Variants in ZNF337 observed in about 807,000 individuals in gnomAD.
ZNF337 encodes zinc finger protein 337.
A neutral mutation model predicts 12.1 loss-of-function variants in ZNF337; 8 were observed. The ratio of observed to expected loss-of-function variants is 0.66; its 90% CI spans 0.39 to 1.19. ZNF337 has a LOEUF of 1.19. ZNF337 is among the 50% of genes most tolerant of loss of function. ZNF337 has a pLI of 0.01. For missense variants in ZNF337, 882 were observed against 896.6 expected (o/e 0.98, Z 0.21); for synonymous variants, 336 against 320.0 (o/e 1.05, Z -0.53).
intron 1 of ZNF337, among the ~76,000 whole-genome samples, chr20:25,688,060 T>C (rs1480461552): frequency 6.6e-6 from 1 of 152,236 alleles, no homozygotes; most frequent in Non-Finnish European, 1.5e-5. Context: ...TGAAAGGTGA[T>C]TTAAAACATT....
rs1456490575 is a variant in ZNF337, at chr20:25,674,143, T to C, written c.*889A>G. The C allele has an allele frequency of 6.6e-6, 1 of 152,182 alleles. No individual in the cohort carries two copies. Among genetic ancestry groups the C allele is most frequent in the Non-Finnish European group, 1.5e-5 (1 of 68,054 alleles). 9.4% of individuals were successfully genotyped at this position (152,182 alleles called of 1,614,324 possible). A position where few individuals can be genotyped will look rare whatever the true frequency, so the allele number is the denominator to read the frequency against. On this transcript the variant is annotated 3_prime_UTR_variant, in exon 5 of 5. Coordinates refer to ENST00000252979, the MANE Select transcript of ZNF337 (RefSeq NM_015655.4). ...GAGATTTTATTTCCAGATATGACTG[T>C]GAGAGAATGATGAGGGGAGCAGTTA...
At chr20:25,677,222 C>T (rs779444562) in intron 4 of ZNF337, 185 bp from the exon 5 acceptor site, 9 of 582,944 alleles carry the variant, frequency 1.5e-5, no homozygotes, top group African/African-American at 3.7e-5. Flanking sequence ...CTAACTCATT[C>T]TAAAAGGCCA....
chr20:25,689,004 G>A (rs1187631219), intron 1 of ZNF337, among the ~76,000 whole-genome samples: 1 of 152,156 alleles, frequency 6.6e-6, no homozygotes, highest in Non-Finnish European at 1.5e-5. Context: ...CGGGAGTGGT[G>A]GCGGCGCCTG....
rs958412836 is a variant in ZNF337 at position 25,696,832 on chromosome 20, C to A, written c.-123G>T. 2.0e-6 allele frequency: 2 copies of A among 985,372 alleles called. No individual in the cohort carries two copies. Among genetic ancestry groups the A allele is most frequent in the Non-Finnish European group, 2.4e-6 (2 of 829,954 alleles). The allele number at this position is 985,372 out of a possible 1,614,324, so 61.0% of individuals were successfully genotyped here. A position where few individuals can be genotyped will look rare whatever the true frequency, so the allele number is the denominator to read the frequency against. On this transcript the variant is annotated 5_prime_UTR_variant, in exon 1 of 5. Transcript: ENST00000252979. ...CACGCATCTCACGGCTCGCTGACGC[C>A]CAGGGATCTGGAACGCTCTGCGCCG...
intron 1 of ZNF337, among the ~76,000 whole-genome samples, chr20:25,693,957 T>C (rs555897877): frequency 6.6e-6 from 1 of 151,402 alleles, no homozygotes; most frequent in East Asian, 1.9e-4. Flanking sequence ...CCTCTTCTTG[T>C]TAAAAAAAAA....
Position 25,676,536 on chromosome 20 carries a change from A to G in ZNF337, c.752T>C (p.Leu251Pro). The G allele has an allele frequency of 6.2e-7, 1 of 1,614,050 alleles. No homozygotes were observed. The highest frequency in any genetic ancestry group is 1.1e-5 in the South Asian group (1 of 91,054). Residue 251 changes from leucine to proline, a missense_variant, in exon 5 of 5, where the codon CTC (leucine) becomes CCC (proline). Physicochemically the swap from Leu to Pro is moderately conservative, Grantham distance 98. Transcript: ENST00000252979. ...CGRGFSLKAN[L>P]LRHQRTHSGE... ...TGAGTGTGTCCTCTGGTGTCTGAGG[A>G]GGTTGGCCTTGAGGCTGAAGCCTCG...
Position 25,676,953 on chromosome 20 carries a change from CT to C in ZNF337, c.334del (p.Ser112AlafsTer26). ...ACCTTCAGCTGTGTCACTCTGGAAG[CT>C]TTGATCAGAAAATTGTAGTTGCTGT... ...RQQQLQFSDQ[S>X]FQSDTAEGQE... On this transcript the variant is annotated frameshift_variant, in exon 5 of 5. Coordinates refer to ENST00000252979, the MANE Select transcript of ZNF337 (RefSeq NM_015655.4). LOFTEE classifies it low-confidence loss of function (END_TRUNC). The C allele has an allele frequency of 6.2e-7, 1 of 1,614,094 alleles. No homozygotes were observed.
intron 1 of ZNF337, among the ~76,000 whole-genome samples, chr20:25,689,257 C>T (rs73597860): frequency 6.6e-6 from 1 of 151,962 alleles, no homozygotes; most frequent in African/African-American, 2.4e-5. Flanking sequence ...TGAGCGGAGA[C>T]CGTGCCACTG....
In ZNF337 at chr20:25,675,048, C is replaced by A; in HGVS notation, c.2240G>T (p.Gly747Val). 6.2e-7 allele frequency: 1 copy of A among 1,613,362 alleles called. No homozygotes were observed. The highest frequency in any genetic ancestry group is 8.5e-7 in the Non-Finnish European group (1 of 1,179,590). Residue 747 changes from glycine to valine, a missense_variant, in exon 5 of 5, where the codon GGT becomes GTT. By Grantham distance (109) the Gly-to-Val change is moderately radical. Transcript: ENST00000252979. ...REKRFCTGSV[G>V]EASS ...GATATAACTTCAAGATGAAGCCTCA[C>A]CCACACTCCCTGTACAAAAACGCTT... is the stretch of plus-strand genomic sequence containing the variant.
intron 1 of ZNF337, among the ~76,000 whole-genome samples, chr20:25,693,809 G>A (rs2065899705): frequency 6.6e-6 from 1 of 152,200 alleles, no homozygotes. Context: ...GGGTTGGGCT[G>A]TCCTCCCTTA....
rs750717842 is a variant in ZNF337 at position 25,676,721 on chromosome 20, G to A, written c.567C>T (p.Phe189=). 6.8e-6 allele frequency: 11 copies of A among 1,614,070 alleles called. No homozygotes were observed. The highest frequency in any genetic ancestry group is 1.7e-5 in the Admixed American group (1 of 60,000). ...AFKCAERGQD[F]SRKMMVIIHK... The stretch of plus-strand genomic sequence containing the variant: ...GTATGATTACCATCATCTTCCGGCT[G>A]AAGTCTTGCCCACGCTCTGCACACT... The change falls in exon 5 of 5, where the codon TTC becomes TTT. Residue 189 remains phenylalanine (F), a synonymous_variant. Transcript: ENST00000252979.
intron 1 of ZNF337, among the ~76,000 whole-genome samples, chr20:25,691,979 G>A (rs560831163): frequency 1.9e-4 from 29 of 152,140 alleles, no homozygotes; most frequent in Non-Finnish European, 1.2e-4. Context: ...CTTATGGGTA[G>A]AAGTAGAATT....
intron 1 of ZNF337, among the ~76,000 whole-genome samples, chr20:25,687,511 G>A (rs1462714411): frequency 6.6e-6 from 1 of 152,198 alleles, no homozygotes; most frequent in Non-Finnish European, 1.5e-5. Context: ...CTATCATGTG[G>A]TGATTATGAT....
At chr20:25,692,328 T>C (rs906874335) in intron 1 of ZNF337, among the ~76,000 whole-genome samples, 3 of 152,218 alleles carry the variant, frequency 2.0e-5, no homozygotes, top group African/African-American at 7.2e-5. Flanking sequence ...TCTGGTACTC[T>C]AGTTACGTTA....
At chr20:25,696,248 C>G (rs561049811) in intron 1 of ZNF337, among the ~76,000 whole-genome samples, 1 of 152,236 alleles carries the variant, frequency 6.6e-6, no homozygotes, top group South Asian at 2.1e-4. Context: ...TCCCCTGTCC[C>G]GCCTCCCACA....
intron 2 of ZNF337, 83 bp downstream of exon 2, chr20:25,686,308 T>G: frequency 6.8e-7 from 1 of 1,475,232 alleles, no homozygotes; most frequent in Non-Finnish European, 9.4e-7. Context: ...CTTGGTCCTG[T>G]GCTAATAATG....
intron 2 of ZNF337, 107 bp from the exon 3 acceptor site, chr20:25,686,229 C>A: frequency 6.4e-7 from 1 of 1,556,936 alleles, no homozygotes; most frequent in Non-Finnish European, 8.8e-7. Flanking sequence ...TGATGAGTGA[C>A]ACCCACAGGC....
At chr20:25,686,525 A>G in intron 1 of ZNF337, 59 bp from the exon 2 acceptor site, 1 of 1,320,102 alleles carries the variant, frequency 7.6e-7, no homozygotes, top group Non-Finnish European at 1.1e-6. Context: ...CATGTGTGAC[A>G]GTTGGTGTGA....
intron 1 of ZNF337, among the ~76,000 whole-genome samples, chr20:25,695,753 G>T (rs1600456328): frequency 6.6e-6 from 1 of 152,028 alleles, no homozygotes; most frequent in South Asian, 2.1e-4. Flanking sequence ...GTCTTGCTGT[G>T]CTGCCCAGGC....
Sources: allele counts gnomAD v4.1 joint callset (sites outside exome capture counted in the v4.1 genomes callset), GRCh38; gene constraint gnomAD v4.1.1; transcripts MANE v1.5; gene names NCBI Gene and HGNC (gene_info 2026-07-23, HGNC 2026-07-21).